ST8SIA5: variants seen among roughly 807,000 people sequenced by gnomAD.
The protein encoded by ST8SIA5 is alpha-2,8-sialyltransferase 8E.
A neutral mutation model predicts 40.2 loss-of-function variants in ST8SIA5; 24 were observed. The observed-to-expected ratio is 0.60, with a 90% CI of 0.43 to 0.84. The LOEUF (loss-of-function observed/expected upper bound fraction) is 0.84. Ranked by LOEUF, ST8SIA5 falls within the 40% of genes least tolerant of loss-of-function variation. ST8SIA5 has a pLI of 0.00. For synonymous variants in ST8SIA5, 198 were observed against 201.8 expected (o/e 0.98, Z 0.16); for missense variants, 465 against 498.5 (o/e 0.93, Z 0.64).
chr18:46,703,880 A>G (rs2039642949), intron 2 of ST8SIA5, among the ~76,000 whole-genome samples: 2 of 152,214 alleles, frequency 1.3e-5, no homozygotes, highest in Admixed American at 1.3e-4. Flanking sequence ...CATGCATGCT[A>G]AAATGTTCAG....
At chr18:46,755,841 C>T (rs1163496951) in intron 1 of ST8SIA5, among the ~76,000 whole-genome samples, 1 of 152,186 alleles carries the variant, frequency 6.6e-6, no homozygotes, top group Non-Finnish European at 1.5e-5. Context: ...TAAGACTTCA[C>T]TATCACTATC....
At chr18:46,737,682 A>G (rs962917157) in intron 1 of ST8SIA5, among the ~76,000 whole-genome samples, 1 of 152,218 alleles carries the variant, frequency 6.6e-6, no homozygotes, top group Non-Finnish European at 1.5e-5. Context: ...ATTTAATAGG[A>G]CTATGGAGAG....
At chr18:46,704,310 G>C (rs1040437259) in intron 2 of ST8SIA5, among the ~76,000 whole-genome samples, 4 of 152,136 alleles carry the variant, frequency 2.6e-5, no homozygotes, top group African/African-American at 9.7e-5. Flanking sequence ...AGTAATTGAG[G>C]CGGGGACTTT....
intron 1 of ST8SIA5, among the ~76,000 whole-genome samples, chr18:46,756,164 G>A (rs2040242838): frequency 6.6e-6 from 1 of 152,226 alleles, no homozygotes; most frequent in Non-Finnish European, 1.5e-5. Flanking sequence ...GCGGAACAAA[G>A]TTGTCTGGAC....
chr18:46,743,986 A>T (rs1200269110), intron 1 of ST8SIA5, among the ~76,000 whole-genome samples: 1 of 152,236 alleles, frequency 6.6e-6, no homozygotes, highest in African/African-American at 2.4e-5. Flanking sequence ...TGAAGGAGAA[A>T]TAAAATCTTT....
intron 4 of ST8SIA5, 144 bp from the exon 5 acceptor site, chr18:46,686,430 T>C (rs956274571): frequency 4.4e-6 from 3 of 679,038 alleles, no homozygotes; most frequent in Admixed American, 4.5e-5. Flanking sequence ...AAAGCGGCTT[T>C]CCACTTTACA....
At chr18:46,751,565 T>G (rs1292957533) in intron 1 of ST8SIA5, among the ~76,000 whole-genome samples, 2 of 151,790 alleles carry the variant, frequency 1.3e-5, no homozygotes, top group African/African-American at 4.8e-5. Context: ...CCTGGCTAAT[T>G]TTTGTATTTT....
intron 1 of ST8SIA5, among the ~76,000 whole-genome samples, chr18:46,718,010 A>G (rs2039809844): frequency 6.6e-6 from 1 of 152,188 alleles, no homozygotes; most frequent in South Asian, 2.1e-4. Context: ...CAAAACACCC[A>G]CTTAAATAGA....
At chr18:46,686,816 CAAAA>C (rs752731256) in intron 4 of ST8SIA5, among the ~76,000 whole-genome samples, 7 of 121,004 alleles carry the variant, frequency 5.8e-5, no homozygotes, top group Admixed American at 4.3e-4. Flanking sequence ...CAGAGAAAGG[CAAAA>C]AAAAAAAAAA....
intron 4 of ST8SIA5, 61 bp from the exon 5 acceptor site, chr18:46,686,347 C>T: frequency 5.0e-6 from 7 of 1,387,830 alleles, no homozygotes; most frequent in Non-Finnish European, 7.1e-6. Flanking sequence ...ACCTGCTACT[C>T]TCACCTCTGC....
Position 46,681,614 on chromosome 18 carries a change from C to T in ST8SIA5, c.662+358G>A, listed in dbSNP as rs148210393. 4.3e-3 allele frequency among the ~76,000 whole-genome samples: 653 copies of T among 152,250 alleles called. 1 individual carries two copies. Among genetic ancestry groups the T allele is most frequent in the Middle Eastern group, 0.02 (6 of 294 alleles). On this transcript the variant is annotated intron_variant, in intron 6 of 6. Transcript: ENST00000315087. ...CCTGGTCACACCCTGGAAAGCTGAC[C>T]CACCCATCTCTAGGTGAAGGTAGTG... is the stretch of plus-strand genomic sequence containing the variant.
chr18:46,686,063 G>A, intron 5 of ST8SIA5, 111 bp downstream of exon 5: 1 of 979,208 alleles, frequency 1.0e-6, no homozygotes, highest in Non-Finnish European at 1.6e-6. Context: ...GGTCTGCAGG[G>A]GTGGGAAGTG....
At chr18:46,686,133 C>T (rs765929992) in intron 5 of ST8SIA5, 41 bp downstream of exon 5, 1 of 1,583,844 alleles carries the variant, frequency 6.3e-7, no homozygotes, top group South Asian at 1.1e-5. Context: ...GAGGAGAGGG[C>T]CATGGGGTAG....
In ST8SIA5 at chr18:46,756,757, C is replaced by G; in HGVS notation, c.-249G>C. 2.2e-6 allele frequency: 1 copy of G among 451,816 alleles called. No individual in the cohort carries two copies. The highest frequency in any genetic ancestry group is 3.7e-5 in the South Asian group (1 of 27,102). 28.0% of individuals were successfully genotyped at this position (451,816 alleles called of 1,614,324 possible). A position where few individuals can be genotyped will look rare whatever the true frequency, so the allele number is the denominator to read the frequency against. The stretch of plus-strand genomic sequence containing the variant: ...GCTCTGCCGCGGCCAGGGGCCTTCC[C>G]CACCCCCGGGTACCTTTACCTCCAG... On this transcript the variant is annotated 5_prime_UTR_variant, in exon 1 of 7. Transcript: ENST00000315087.
In ST8SIA5 at chr18:46,680,523, C is replaced by T. The variant is rs542086271; in HGVS notation, c.663-13G>A. The T allele has an allele frequency of 2.6e-6, 4 of 1,560,254 alleles. No individual in the cohort carries two copies. Among genetic ancestry groups the T allele is most frequent in the African/African-American group, 2.7e-5 (2 of 74,114 alleles). On this transcript the variant is annotated splice_polypyrimidine_tract_variant and intron_variant, in intron 6 of 6. Coordinates refer to ENST00000315087, the MANE Select transcript of ST8SIA5 (RefSeq NM_013305.6). Reference sequence around the variant, plus strand: ...CAGCTTGTGGAACCTACACAGGGCGCGAGTGAGAGGTGAGCACCCACTCCT... The same window carrying T: ...CAGCTTGTGGAACCTACACAGGGCGTGAGTGAGAGGTGAGCACCCACTCCT...
At chr18:46,738,680 C>G (rs569652284) in intron 1 of ST8SIA5, among the ~76,000 whole-genome samples, 17 of 152,048 alleles carry the variant, frequency 1.1e-4, no homozygotes, top group Admixed American at 2.6e-4. Flanking sequence ...CACCCTCCCC[C>G]TCGAGAACCA....
intron 6 of ST8SIA5, among the ~76,000 whole-genome samples, chr18:46,681,455 G>A (rs781233717): frequency 3.3e-5 from 5 of 152,146 alleles, no homozygotes; most frequent in African/African-American, 4.8e-5. Context: ...GGCTACGCCC[G>A]GGGCTAGGGT....
intron 1 of ST8SIA5, among the ~76,000 whole-genome samples, chr18:46,718,898 C>T (rs1356993331): frequency 6.6e-6 from 1 of 152,170 alleles, no homozygotes; most frequent in South Asian, 2.1e-4. Flanking sequence ...GGTCCTCCCC[C>T]AAGCTCTGCA....
chr18:46,700,824 A>G (rs899901398), intron 2 of ST8SIA5, among the ~76,000 whole-genome samples: 1 of 152,202 alleles, frequency 6.6e-6, no homozygotes, highest in African/African-American at 2.4e-5. Context: ...ATGGGAGTCC[A>G]TAACAGGGAC....
Sources: gnomAD v4.1 joint callset for allele counts (sites outside exome capture counted in the v4.1 genomes callset) on GRCh38, gnomAD v4.1.1 for gene constraint, MANE v1.5 for transcripts, NCBI Gene and HGNC (gene_info 2026-07-23, HGNC 2026-07-21) for gene names.